TBC1D19: variants seen among roughly 807,000 people sequenced by gnomAD.
TBC1D19 encodes the protein TBC1 domain family member 19.
A neutral mutation model predicts 89.0 loss-of-function variants in TBC1D19; 60 were observed. That is an observed-to-expected ratio of 0.67 (90% CI 0.55 to 0.84). TBC1D19 has a LOEUF of 0.84. Ranked by LOEUF, TBC1D19 falls within the 40% of genes least tolerant of loss-of-function variation. The pLI is 0.00. For missense variants in TBC1D19, 500 were observed against 610.8 expected (o/e 0.82, Z 1.91); for synonymous variants, 189 against 199.7 (o/e 0.95, Z 0.45).
chr4:26,600,901 G>C (rs1740545300), intron 1 of TBC1D19, among the ~76,000 whole-genome samples: 1 of 152,166 alleles, frequency 6.6e-6, no homozygotes, highest in Admixed American at 6.5e-5. Flanking sequence ...TACAGTTTTA[G>C]AAAGAACCAT....
At chr4:26,586,732 A>G (rs2109934281) in intron 1 of TBC1D19, among the ~76,000 whole-genome samples, 1 of 152,270 alleles carries the variant, frequency 6.6e-6, no homozygotes, top group East Asian at 1.9e-4. Context: ...GCTATTATAA[A>G]TGGTGACTTA....
intron 12 of TBC1D19, among the ~76,000 whole-genome samples, chr4:26,686,574 T>C (rs760807562): frequency 5.9e-5 from 9 of 152,136 alleles, no homozygotes; most frequent in Non-Finnish European, 1.0e-4. Context: ...TAAGAAAAAG[T>C]AAATAACAAA....
At chr4:26,796,387 A>G in the TBC1D19 span, among the ~76,000 whole-genome samples, 1 of 152,214 alleles carries the variant, frequency 6.6e-6, no homozygotes, top group Non-Finnish European at 1.5e-5. Context: ...GAGGTGAAAA[A>G]TGACATCTTA....
intron 9 of TBC1D19, among the ~76,000 whole-genome samples, chr4:26,669,253 A>T (rs1179748544): frequency 6.6e-6 from 1 of 151,858 alleles, no homozygotes; most frequent in Non-Finnish European, 1.5e-5. Context: ...AGGAGCACTC[A>T]TAAGATGCCC....
chr4:26,752,436 G>C (rs1287796721), intron 19 of TBC1D19, among the ~76,000 whole-genome samples: 1 of 151,764 alleles, frequency 6.6e-6, no homozygotes, highest in African/African-American at 2.4e-5. Flanking sequence ...GTAGAGACCA[G>C]GGTCTTGCTT....
intron 13 of TBC1D19, among the ~76,000 whole-genome samples, chr4:26,717,633 CT>C (rs1716713276): frequency 6.6e-6 from 1 of 152,004 alleles, no homozygotes; most frequent in Non-Finnish European, 1.5e-5. Flanking sequence ...CATTTTTCAT[CT>C]GTTAAATTTC....
the TBC1D19 span, among the ~76,000 whole-genome samples, chr4:26,785,056 A>T: frequency 6.6e-6 from 1 of 152,310 alleles, no homozygotes; most frequent in African/African-American, 2.4e-5. Flanking sequence ...ATGAGTTAAA[A>T]CTGAGGCTCA....
At chr4:26,783,167 G>A in the TBC1D19 span, among the ~76,000 whole-genome samples, 1 of 152,130 alleles carries the variant, frequency 6.6e-6, no homozygotes, top group Non-Finnish European at 1.5e-5. Context: ...ATAATCCTCT[G>A]TCGTCATCTT....
At chr4:26,799,731 T>G in the TBC1D19 span, among the ~76,000 whole-genome samples, 177 of 152,316 alleles carry the variant, frequency 1.2e-3, no homozygotes, top group African/African-American at 4.0e-3. Context: ...ACACCAAAAC[T>G]GCTGGCATCT....
At chr4:26,651,148 G>T (rs565406650) in intron 7 of TBC1D19, among the ~76,000 whole-genome samples, 1 of 152,200 alleles carries the variant, frequency 6.6e-6, no homozygotes, top group East Asian at 1.9e-4. Flanking sequence ...GTCAGGTAGC[G>T]TGATGCCTTC....
chr4:26,663,496 T>C (rs1462891156), intron 8 of TBC1D19, among the ~76,000 whole-genome samples: 3 of 152,168 alleles, frequency 2.0e-5, no homozygotes, highest in Non-Finnish European at 4.4e-5. Flanking sequence ...AGGAGTTTGC[T>C]AGGTAAAAAA....
At chr4:26,801,420 A>G in the TBC1D19 span, among the ~76,000 whole-genome samples, 1 of 152,098 alleles carries the variant, frequency 6.6e-6, no homozygotes, top group Non-Finnish European at 1.5e-5. Flanking sequence ...GCCTTGTAGT[A>G]TAGTTTGAAG....
intron 8 of TBC1D19, among the ~76,000 whole-genome samples, chr4:26,663,428 T>C (rs765971095): frequency 6.6e-6 from 1 of 152,172 alleles, no homozygotes; most frequent in Non-Finnish European, 1.5e-5. Flanking sequence ...AACTGCTGCA[T>C]GTAGAGGCAA....
At chr4:26,725,632 T>C (rs891240389) in intron 15 of TBC1D19, among the ~76,000 whole-genome samples, 11 of 152,050 alleles carry the variant, frequency 7.2e-5, no homozygotes, top group African/African-American at 2.7e-4. Flanking sequence ...AGGCTAGTCT[T>C]GAACACCTGG....
chr4:26,759,748 G>A (rs768021008), downstream of TBC1D19, among the ~76,000 whole-genome samples: 4 of 151,996 alleles, frequency 2.6e-5, no homozygotes, highest in Non-Finnish European at 4.4e-5. Flanking sequence ...GGCTTCTTTT[G>A]CTTAGCATGT....
chr4:26,685,646 G>A (rs1713747244), intron 12 of TBC1D19, among the ~76,000 whole-genome samples: 1 of 152,210 alleles, frequency 6.6e-6, no homozygotes, highest in African/African-American at 2.4e-5. Context: ...AAGCTCTACA[G>A]TAAGTGGAAA....
At chr4:26,587,076 A>T (rs1739460343) in intron 1 of TBC1D19, among the ~76,000 whole-genome samples, 1 of 152,158 alleles carries the variant, frequency 6.6e-6, no homozygotes, top group Non-Finnish European at 1.5e-5. Context: ...AACTTTGTTA[A>T]GTACTTTTTT....
chr4:26,739,909 A>C lies in TBC1D19; in HGVS notation c.1163A>C (p.Gln388Pro), dbSNP rs774810818. ...TACCATGAACCTTCCAAATTGTATC[A>C]GATATTCCGTGAGATGTATGTGCGT... is the stretch of plus-strand genomic sequence containing the variant. ...FLYHEPSKLY[Q>P]IFREMYVRFF... The change falls in exon 17 of 21, where the codon CAG (glutamine) becomes CCG (proline). Residue 388 changes from glutamine (Q) to proline (P), a missense_variant. Physicochemically the swap from Gln to Pro is moderately conservative, Grantham distance 76 (BLOSUM62 -1). Around this residue, in one of 2 missense-constraint regions of TBC1D19, gnomAD observed 220 missense variants for 319.1 expected, o/e 0.69. Coordinates refer to ENST00000264866, the MANE Select transcript of TBC1D19 (RefSeq NM_018317.4). 1.3e-6 allele frequency: 2 copies of C among 1,599,134 alleles called. No individual in the cohort carries two copies. Among genetic ancestry groups the C allele is most frequent in the East Asian group, 4.6e-5 (2 of 43,742 alleles).
rs533683039 is a variant in TBC1D19, at chr4:26,715,981, T to C, written c.955-1952T>C. 7.9e-5 allele frequency among the ~76,000 whole-genome samples: 12 copies of C among 152,220 alleles called. No homozygotes were observed. The South Asian group carries it at 1.9e-3, about 24-fold the overall frequency. ...AAGTTTCTCAACTCCTTTCAATCTT[T>C]GATTAGATATCACCTTCTCAAGGAA... On this transcript the variant is annotated intron_variant, in intron 13 of 20. Transcript: ENST00000264866.
Sources: allele counts gnomAD v4.1 joint callset (sites outside exome capture counted in the v4.1 genomes callset), GRCh38; gene constraint gnomAD v4.1.1; regional missense constraint gnomAD v4.1.1; transcripts MANE v1.5; gene names NCBI Gene and HGNC (gene_info 2026-07-23, HGNC 2026-07-21).